Variants in TRPM3 observed in about 807,000 individuals in gnomAD.
TRPM3 encodes long transient receptor potential channel 3.
A neutral mutation model predicts 181.2 loss-of-function variants in TRPM3; 77 were observed. The ratio of observed to expected loss-of-function variants is 0.42; its 90% CI spans 0.35 to 0.51. The LOEUF is 0.51. TRPM3 is among the 20% of genes least tolerant of loss of function. TRPM3 has a pLI of 0.01. For missense variants in TRPM3, 1,759 were observed against 2,196.7 expected, an observed-to-expected ratio of 0.80 and a Z score of 3.98; for synonymous variants, 745 against 796.4, an observed-to-expected ratio of 0.94 and a Z score of 1.09.
At chr9:70,787,763 C>CTTTTTTTTTTTTTTTTTTTTGTTTTT (rs2084054300) in intron 6 of TRPM3, among the ~76,000 whole-genome samples, 8 of 68,558 alleles carry the variant, frequency 1.2e-4, no homozygotes, top group East Asian at 6.0e-4. Flanking sequence ...TTTTTGGATT[C>CTTTTTTTTTTTTTTTTTTTTGTTTTT]TTTTTTTTTT....
At chr9:71,099,513 T>C (rs542149513) in intron 1 of TRPM3, among the ~76,000 whole-genome samples, 1 of 152,210 alleles carries the variant, frequency 6.6e-6, no homozygotes, top group Admixed American at 6.5e-5. Flanking sequence ...GTGTACAGGG[T>C]AGGTACAATG....
chr9:71,078,214 C>T lies in TRPM3; in HGVS notation c.177+42964G>A, dbSNP rs80208987. ...GATGATTTGTTACATAATTAAGAAA[C>T]ATCTTTGAAACGAAATATACAGATA... is the stretch of plus-strand genomic sequence containing the variant. On this transcript the variant is annotated intron_variant, in intron 1 of 25. Transcript: ENST00000677713. Among the ~76,000 whole-genome samples the T allele has an allele frequency of 6.1e-3, 924 of 152,174 alleles. 9 individuals are homozygous for T. The highest frequency in any genetic ancestry group is 0.021 in the African/African-American group (855 of 41,536).
At chr9:71,000,690 C>T (rs952380066) in intron 1 of TRPM3, among the ~76,000 whole-genome samples, 1 of 152,196 alleles carries the variant, frequency 6.6e-6, no homozygotes, top group African/African-American at 2.4e-5. Flanking sequence ...CCCCTTACTT[C>T]ATTAACCAAG....
chr9:71,349,976 T>C (rs1476669630), intron 1 of TRPM3, among the ~76,000 whole-genome samples: 1 of 32,560 alleles, frequency 3.1e-5, no homozygotes, highest in Non-Finnish European at 8.7e-5. Flanking sequence ...TGCATATATA[T>C]ATATATATAT....
At chr9:71,095,616 G>A (rs527656481) in intron 1 of TRPM3, among the ~76,000 whole-genome samples, 4 of 151,724 alleles carry the variant, frequency 2.6e-5, no homozygotes, top group East Asian at 3.9e-4. Context: ...AAAATTAGCC[G>A]GGCATGGTGG....
intron 1 of TRPM3, among the ~76,000 whole-genome samples, chr9:71,276,160 A>T (rs1472844091): frequency 3.9e-5 from 6 of 152,176 alleles, no homozygotes; most frequent in African/African-American, 1.2e-4. Context: ...AACTTTTACA[A>T]ATAAATTGCA....
At chr9:70,653,428 T>A (rs1238447020) in intron 9 of TRPM3, among the ~76,000 whole-genome samples, 1 of 151,960 alleles carries the variant, frequency 6.6e-6, no homozygotes, top group Non-Finnish European at 1.5e-5. Flanking sequence ...GTCACGGCCC[T>A]AGTGATTACA....
intron 1 of TRPM3, among the ~76,000 whole-genome samples, chr9:71,112,313 T>A (rs2071291266): frequency 6.6e-6 from 1 of 152,204 alleles, no homozygotes; most frequent in Non-Finnish European, 1.5e-5. Flanking sequence ...AATTTTTATC[T>A]CTCACTTTCT....
At chr9:71,250,474 T>A (rs1187054532) in intron 1 of TRPM3, among the ~76,000 whole-genome samples, 1 of 152,226 alleles carries the variant, frequency 6.6e-6, no homozygotes, top group African/African-American at 2.4e-5. Flanking sequence ...ATGGGCATAC[T>A]GCTGTCCTTA....
At chr9:71,172,285 G>C (rs952600134) in intron 1 of TRPM3, among the ~76,000 whole-genome samples, 6 of 152,140 alleles carry the variant, frequency 3.9e-5, no homozygotes, top group African/African-American at 1.4e-4. Flanking sequence ...GGTTGGTTGG[G>C]AGAGGGAAGA....
intron 8 of TRPM3, among the ~76,000 whole-genome samples, chr9:70,698,207 C>CA (rs35974302): frequency 0.55 from 64,834 of 116,938 alleles, 16,406 homozygotes; most frequent in Non-Finnish European, 0.61. Context: ...GACTCTGTCT[C>CA]AAAAAAAAAA....
intron 8 of TRPM3, among the ~76,000 whole-genome samples, chr9:70,684,407 G>T (rs1251781268): frequency 6.6e-6 from 1 of 152,142 alleles, no homozygotes; most frequent in Non-Finnish European, 1.5e-5. Flanking sequence ...GGGTGTGGGA[G>T]GAAGGATGCC....
intron 1 of TRPM3, among the ~76,000 whole-genome samples, chr9:71,402,974 A>C (rs1357453645): frequency 2.0e-5 from 3 of 152,224 alleles, no homozygotes; most frequent in Non-Finnish European, 4.4e-5. Context: ...TGACAAAGAC[A>C]AGATACAATC....
At chr9:70,621,585 C>T (rs1223346921) in intron 14 of TRPM3, among the ~76,000 whole-genome samples, 1 of 152,134 alleles carries the variant, frequency 6.6e-6, no homozygotes, top group African/African-American at 2.4e-5. Context: ...AGGCTGGTCT[C>T]AAGCTCTTGG....
At chr9:71,297,722 C>T (rs1183894805) in intron 1 of TRPM3, among the ~76,000 whole-genome samples, 1 of 152,098 alleles carries the variant, frequency 6.6e-6, no homozygotes, top group Non-Finnish European at 1.5e-5. Context: ...TGGGACACAG[C>T]CAAAACATAT....
At chr9:71,134,020 T>TGC (rs1170476756) in intron 1 of TRPM3, among the ~76,000 whole-genome samples, 10 of 109,606 alleles carry the variant, frequency 9.1e-5, no homozygotes, top group Non-Finnish European at 1.2e-4. Flanking sequence ...TGTGTGCGCG[T>TGC]GCGCGCGCGC....
intron 1 of TRPM3, among the ~76,000 whole-genome samples, chr9:71,299,527 GA>G (rs34393924): frequency 0.13 from 18,966 of 150,224 alleles, 1,479 homozygotes; most frequent in Non-Finnish European, 0.17. Context: ...AAGGAAGGGA[GA>G]AAAAAGAAAA....
chr9:71,395,336 C>A (rs61072067), intron 1 of TRPM3, among the ~76,000 whole-genome samples: 71 of 152,208 alleles, frequency 4.7e-4, no homozygotes, highest in African/African-American at 1.6e-3. Flanking sequence ...CCTTCCTCAG[C>A]GGAACTGTGG....
chr9:70,841,029 T>C (rs2094593676), intron 5 of TRPM3, among the ~76,000 whole-genome samples: 1 of 152,178 alleles, frequency 6.6e-6, no homozygotes, highest in Non-Finnish European at 1.5e-5. Flanking sequence ...AAAGAATTAA[T>C]TTATGTATTA....
Sources: gnomAD v4.1 joint callset for allele counts (sites outside exome capture counted in the v4.1 genomes callset) on GRCh38, gnomAD v4.1.1 for gene constraint, MANE v1.5 for transcripts, NCBI Gene and HGNC (gene_info 2026-07-23, HGNC 2026-07-21) for gene names.